Variants in JPT2 observed in about 807,000 individuals in gnomAD.
JPT2 encodes the protein Jupiter microtubule associated homolog 2, also known as CRAMP_1 like.
JPT2 carries 9 observed loss-of-function variants against 15.9 expected under a neutral mutation model. That is an observed-to-expected ratio of 0.57 (90% confidence interval 0.34 to 0.99). JPT2 has a LOEUF of 0.99. Ranked by LOEUF, JPT2 falls within the 50% of genes least tolerant of loss-of-function variation. The pLI, the probability that JPT2 is intolerant of heterozygous loss-of-function variation, is 0.02. For missense variants in JPT2, 267 were observed against 252.1 expected (o/e 1.06, Z -0.40); for synonymous variants, 95 against 91.7 (o/e 1.04, Z -0.21).
intron 1 of JPT2, among the ~76,000 whole-genome samples, chr16:1,683,031 G>A (rs977532356): frequency 6.6e-6 from 1 of 152,158 alleles, no homozygotes; most frequent in Non-Finnish European, 1.5e-5. Context: ...AGGCTGGAAT[G>A]CAGTGGCGCA....
rs1404211057 is a variant in JPT2, at chr16:1,701,859, C to T, written c.*2861C>T. On this transcript the variant is annotated 3_prime_UTR_variant, in exon 5 of 5. Transcript: ENST00000248098. ...TGAGACCAGCCTAGACAACATACTA[C>T]GACCCTGTCTATACAAAAAAAAACT... is the stretch of plus-strand genomic sequence containing the variant. 2.9e-5 allele frequency: 8 copies of T among 277,632 alleles called. No individual in the cohort carries two copies. Among genetic ancestry groups the T allele is most frequent in the Admixed American group, 2.1e-4 (5 of 24,348 alleles). The allele number at this position is 277,632 out of a possible 1,614,324, so 17.2% of individuals were successfully genotyped here.
intron 1 of JPT2, among the ~76,000 whole-genome samples, chr16:1,681,322 AGCCGCT>A (rs2142219100): frequency 6.6e-6 from 1 of 152,334 alleles, no homozygotes; most frequent in South Asian, 2.1e-4. Context: ...TGACCGAGAT[AGCCGCT>A]GCCCCTTGCC....
rs549199300 is a variant in JPT2, at chr16:1,683,183, A to G, written c.45-2256A>G. Among the ~76,000 whole-genome samples, 15 of 152,066 alleles carry G rather than the reference A, an allele frequency of 9.9e-5. No homozygotes were observed. In the South Asian group the frequency reaches 3.1e-3, roughly 32 times the overall value. On this transcript the variant is annotated intron_variant, in intron 1 of 4. Transcript: ENST00000248098. ...AGTAGAGACGGGATTTCACCGTGTTAGCCAGGATGGTCTCGATCTCCTGAC... is the reference window on the plus strand; with the variant it reads ...AGTAGAGACGGGATTTCACCGTGTTGGCCAGGATGGTCTCGATCTCCTGAC...
chr16:1,694,007 G>A (rs1267782416), intron 3 of JPT2, among the ~76,000 whole-genome samples: 1 of 152,092 alleles, frequency 6.6e-6, no homozygotes, highest in African/African-American at 2.4e-5. Context: ...GGACCGGCTC[G>A]TCACTGCGAA....
chr16:1,695,963 T>C (rs1056670802), intron 3 of JPT2, among the ~76,000 whole-genome samples: 1 of 152,220 alleles, frequency 6.6e-6, no homozygotes, highest in African/African-American at 2.4e-5. Context: ...GCACAGTGGC[T>C]AACACCTGTA....
chr16:1,683,565 G>T, intron 1 of JPT2: 1 of 1,535,526 alleles, frequency 6.5e-7, no homozygotes, highest in Non-Finnish European at 8.7e-7. Context: ...CTCCTGAGTG[G>T]ACAGGGGCCC....
rs181628271 is a variant in JPT2 at position 1,684,072 on chromosome 16, G to T, written c.45-1367G>T. On this transcript the variant is annotated intron_variant, in intron 1 of 4. Transcript: ENST00000248098. The stretch of plus-strand genomic sequence containing the variant: ...ATACTATGCACATAGTTGTTACACC[G>T]TATCACCTGGGGAATAATGACAGAA... Among the ~76,000 whole-genome samples, 52 of 152,290 alleles carry T rather than the reference G, an allele frequency of 3.4e-4. 1 individual carries two copies. The South Asian group carries it at 1.0e-2, about 29-fold the overall frequency.
At position 1,701,809 on chromosome 16, in the gene JPT2, G is replaced by A. The variant is rs1457298556; in HGVS notation, c.*2811G>A. 5.1e-6 allele frequency: 1 copy of A among 195,356 alleles called. No homozygotes were observed. The highest frequency in any genetic ancestry group is 1.2e-4 in the East Asian group (1 of 8,238). The allele number at this position is 195,356 out of a possible 1,614,324, so 12.1% of individuals were successfully genotyped here. ...TTTGGGTCTTTGGGAGGCCAGGGTG[G>A]GAGGATCACTTGAGCTCAGGAGTTT... On this transcript the variant is annotated 3_prime_UTR_variant, in exon 5 of 5. Coordinates refer to ENST00000248098, the MANE Select transcript of JPT2 (RefSeq NM_144570.3).
chr16:1,679,835 C>T (rs1489174636), intron 1 of JPT2, among the ~76,000 whole-genome samples: 1 of 151,690 alleles, frequency 6.6e-6, no homozygotes, highest in Non-Finnish European at 1.5e-5. Context: ...GGCAGGTGGA[C>T]CACGAGATCA....
intron 2 of JPT2, chr16:1,689,020 A>T (rs562961044): frequency 1.3e-5 from 2 of 152,308 alleles, no homozygotes; most frequent in East Asian, 3.9e-4. Flanking sequence ...GTGAAGGAAC[A>T]CAGGAGTTTC....
chr16:1,682,463 GA>G (rs759584300), intron 1 of JPT2, among the ~76,000 whole-genome samples: 1 of 152,136 alleles, frequency 6.6e-6, no homozygotes, highest in Non-Finnish European at 1.5e-5. Context: ...CCTGAGGTCA[GA>G]AGTTCAAGAC....
At chr16:1,678,381 CG>C (rs1238685448) in intron 1 of JPT2, 25 bp downstream of exon 1, 2 of 1,053,632 alleles carry the variant, frequency 1.9e-6, no homozygotes, top group African/African-American at 3.5e-5. Flanking sequence ...ACACGGGAGG[CG>C]GGCGGATAGC....
intron 3 of JPT2, among the ~76,000 whole-genome samples, chr16:1,694,290 A>C (rs147641905): frequency 6.6e-6 from 1 of 152,318 alleles, no homozygotes; most frequent in Non-Finnish European, 1.5e-5. Context: ...GCCCCCATTG[A>C]CGCTGTTTCG....
rs1025801270 is a variant in JPT2 at position 1,700,725 on chromosome 16, T to A, written c.*1727T>A. ...TGATGCAACTTGAAAGGAAACAGTTTAATGGTGGAAATGAACTACCATTTA... is the reference window on the plus strand; with the variant it reads ...TGATGCAACTTGAAAGGAAACAGTTAAATGGTGGAAATGAACTACCATTTA... On this transcript the variant is annotated 3_prime_UTR_variant, in exon 5 of 5. Transcript: ENST00000248098. 1 of 153,040 alleles carries A rather than the reference T, an allele frequency of 6.5e-6. No homozygotes were observed. The highest frequency in any genetic ancestry group is 1.5e-5 in the Non-Finnish European group (1 of 68,398). The allele number at this position is 153,040 out of a possible 1,614,324, so 9.5% of individuals were successfully genotyped here. A position where few individuals can be genotyped will look rare whatever the true frequency, so the allele number is the denominator to read the frequency against.
chr16:1,689,159 G>T (rs1255372224), intron 2 of JPT2: 18 of 152,002 alleles, frequency 1.2e-4, no homozygotes, highest in Admixed American at 1.2e-3. Flanking sequence ...TTTTAAAAAT[G>T]AGTGATGTCT....
chr16:1,696,452 C>G (rs375736904), intron 3 of JPT2, among the ~76,000 whole-genome samples: 31 of 150,744 alleles, frequency 2.1e-4, no homozygotes, highest in Admixed American at 1.2e-3. Context: ...ACCCAGAAGG[C>G]AAAGGGCGCA....
rs909021748 is a variant in JPT2 at position 1,698,076 on chromosome 16, C to A, written c.385+216C>A. Among the ~76,000 whole-genome samples the A allele has an allele frequency of 6.6e-6, 1 of 152,324 alleles. No individual in the cohort carries two copies. The highest frequency in any genetic ancestry group is 6.5e-5 in the Admixed American group (1 of 15,306). ...TGGTTGTCTTGCTCATCAGCCTAGG[C>A]CCAGGGCCATGGGGTCGTCTCCTAG... On this transcript the variant is annotated intron_variant, in intron 4 of 4. Transcript: ENST00000248098. The surrounding 1 kb of genome is among the most constrained non-coding windows in gnomAD (Gnocchi z 4.9).
chr16:1,695,231 C>A (rs1026286713), intron 3 of JPT2, among the ~76,000 whole-genome samples: 1 of 152,032 alleles, frequency 6.6e-6, no homozygotes, highest in African/African-American at 2.4e-5. Context: ...CATGGAGAAA[C>A]CCCGTCTCTA....
Position 1,699,041 on chromosome 16 carries a change from A to T in JPT2, c.*43A>T, listed in dbSNP as rs199533017. ...CCCGGAGCCAGACCAGAAACTCAAG[A>T]GATAGGGTAGCCATGTTTTCATTTC... On this transcript the variant is annotated 3_prime_UTR_variant, in exon 5 of 5. Transcript: ENST00000248098. The T allele has an allele frequency of 6.3e-7, 1 of 1,584,612 alleles. No individual in the cohort carries two copies. Among genetic ancestry groups the T allele is most frequent in the South Asian group, 1.1e-5 (1 of 90,490 alleles).
Sources: allele counts gnomAD v4.1 joint callset (sites outside exome capture counted in the v4.1 genomes callset), GRCh38; gene constraint gnomAD v4.1.1; non-coding constraint Gnocchi (gnomAD v3.1); transcripts MANE v1.5; gene names NCBI Gene and HGNC (gene_info 2026-07-23, HGNC 2026-07-21).